Variants in GREB1L observed in about 807,000 individuals in gnomAD.
GREB1L encodes GREB1 like retinoic acid receptor coactivator.
GREB1L carries 17 observed loss-of-function variants against 200.8 expected under a neutral mutation model. That is an observed-to-expected ratio of 0.08 (90% CI 0.06 to 0.13). The LOEUF (loss-of-function observed/expected upper bound fraction) is 0.13. Ranked by LOEUF, GREB1L falls within the 10% of genes least tolerant of loss-of-function variation. The pLI, the probability that GREB1L is intolerant of heterozygous loss-of-function variation, is 1.00. For synonymous variants in GREB1L, 789 were observed against 893.0 expected (o/e 0.88, Z 2.08); for missense variants, 1,657 against 2,367.7 (o/e 0.70, Z 6.23).
chr18:21,481,193 A>G (rs748317521), intron 17 of GREB1L, among the ~76,000 whole-genome samples: 21 of 152,142 alleles, frequency 1.4e-4, no homozygotes, highest in Non-Finnish European at 2.5e-4. Flanking sequence ...AAAAGAGAGA[A>G]CAGGGGATGG....
chr18:21,287,511 T>C (rs1254708951), intron 1 of GREB1L, among the ~76,000 whole-genome samples: 1 of 152,216 alleles, frequency 6.6e-6, no homozygotes, highest in African/African-American at 2.4e-5. Context: ...TTTTCTTACA[T>C]GTTACTAAAA....
rs191327625 is a variant in GREB1L, at chr18:21,508,697, C to A, written c.4735+106C>A. The A allele has an allele frequency of 1.0e-4, 91 of 892,204 alleles. No individual in the cohort carries two copies. The African/African-American group carries it at 1.4e-3, about 14-fold the overall frequency. 55.3% of individuals were successfully genotyped at this position (892,204 alleles called of 1,614,324 possible). ...CCCCTGCCTCTAGAAATTGTCCTGC[C>A]CTCCTCACCACTCTTCGGAAAAAAA... On this transcript the variant is annotated intron_variant, in intron 27 of 32. Transcript: ENST00000424526.
At chr18:21,417,262 C>T (rs2031728186) in intron 7 of GREB1L, among the ~76,000 whole-genome samples, 1 of 152,068 alleles carries the variant, frequency 6.6e-6, no homozygotes, top group Non-Finnish European at 1.5e-5. Context: ...TGGCTCACGC[C>T]TGTAATCCTA....
At chr18:21,421,913 T>A (rs1330074781) in intron 7 of GREB1L, among the ~76,000 whole-genome samples, 7 of 152,146 alleles carry the variant, frequency 4.6e-5, no homozygotes. Context: ...TATTTTGGTA[T>A]TTTTTTCCAT....
At chr18:21,521,324 T>TCG (rs1568083597) in intron 32 of GREB1L, among the ~76,000 whole-genome samples, 1 of 150,606 alleles carries the variant, frequency 6.6e-6, no homozygotes, top group Admixed American at 6.6e-5. Flanking sequence ...TGAGCCAAGA[T>TCG]CACGCCATTG....
At chr18:21,521,547 T>C (rs970676961) in intron 32 of GREB1L, among the ~76,000 whole-genome samples, 69 of 151,556 alleles carry the variant, frequency 4.6e-4, no homozygotes, top group African/African-American at 1.6e-3. Context: ...CACTTATTTA[T>C]TTATTTATTT....
rs149534471 is a variant in GREB1L, at chr18:21,454,371, G to C, written c.1990G>C (p.Asp664His). 2 of 1,548,838 alleles carry C rather than the reference G, an allele frequency of 1.3e-6. No individual in the cohort carries two copies. Among genetic ancestry groups the C allele is most frequent in the Admixed American group, 3.9e-5 (2 of 50,840 alleles). The part of the protein sequence containing the change: ...AMIPTQNLDL[D>H]NETFHIYQPQ... ...GACTTCTCTTTAAATTTTAGATTTA[G>C]ATAATGAAACCTTCCACATTTATCA... The change falls in exon 15 of 33, where the codon GAT becomes CAT. Residue 664 changes from aspartate to histidine, a missense_variant. By Grantham distance (81) the Asp-to-His change is moderately conservative. Transcript: ENST00000424526.
chr18:21,423,567 T>C (rs2032328505), intron 7 of GREB1L, among the ~76,000 whole-genome samples: 2 of 152,120 alleles, frequency 1.3e-5, no homozygotes, highest in African/African-American at 4.8e-5. Flanking sequence ...TTCTGAAGAA[T>C]GGGAGGCTCA....
At chr18:21,521,198 A>G (rs963963233) in intron 32 of GREB1L, among the ~76,000 whole-genome samples, 1 of 151,664 alleles carries the variant, frequency 6.6e-6, no homozygotes, top group African/African-American at 2.4e-5. Context: ...CTCCGTCTCA[A>G]AAAAAAAGTA....
rs2036100369 is a variant in GREB1L, at chr18:21,485,667, C to T, written c.2604C>T (p.Tyr868=). Reference sequence around the variant, plus strand: ...AGCTGTACTTTGGCTTGAGTGAGTACAGCAAGTCTCTGCAGTGGGGGATCA... The same window carrying T: ...AGCTGTACTTTGGCTTGAGTGAGTATAGCAAGTCTCTGCAGTGGGGGATCA... The part of the protein sequence containing the change: ...EEKLYFGLSE[Y]SKSLQWGITS... The change falls in exon 18 of 33, where the codon TAC becomes TAT. Residue 868 remains tyrosine (Y), a synonymous_variant. Transcript: ENST00000424526. 3.2e-6 allele frequency: 5 copies of T among 1,551,540 alleles called. No homozygotes were observed. The highest frequency in any genetic ancestry group is 4.4e-6 in the Non-Finnish European group (5 of 1,146,890).
At chr18:21,252,332 T>C (rs1316478544) in intron 1 of GREB1L, among the ~76,000 whole-genome samples, 2 of 151,914 alleles carry the variant, frequency 1.3e-5, no homozygotes, top group Non-Finnish European at 2.9e-5. Flanking sequence ...CTGAGGTGGA[T>C]GGATCACCTG....
At chr18:21,360,521 C>T (rs1217116204) in intron 1 of GREB1L, among the ~76,000 whole-genome samples, 1 of 152,214 alleles carries the variant, frequency 6.6e-6, no homozygotes, top group East Asian at 1.9e-4. Flanking sequence ...CCACTGCACC[C>T]GGTGACTGAT....
chr18:21,354,366 T>C (rs1490440226), intron 1 of GREB1L, among the ~76,000 whole-genome samples: 1 of 152,100 alleles, frequency 6.6e-6, no homozygotes, highest in Non-Finnish European at 1.5e-5. Context: ...GGTGGGAGGA[T>C]AGCGTGAGCC....
chr18:21,480,776 T>C (rs2145763308), intron 17 of GREB1L, among the ~76,000 whole-genome samples: 1 of 152,220 alleles, frequency 6.6e-6, no homozygotes, highest in Non-Finnish European at 1.5e-5. Flanking sequence ...TCCCAGCACT[T>C]TGGAATGCCA....
chr18:21,279,046 C>T (rs1422807339), intron 1 of GREB1L, among the ~76,000 whole-genome samples: 1 of 151,964 alleles, frequency 6.6e-6, no homozygotes, highest in Non-Finnish European at 1.5e-5. Flanking sequence ...GTAAAAAAAT[C>T]ATTAAGACAT....
intron 23 of GREB1L, 91 bp downstream of exon 23, chr18:21,500,733 T>C (rs558257904): frequency 1.1e-6 from 1 of 873,606 alleles, no homozygotes; most frequent in Non-Finnish European, 1.8e-6. Context: ...CTTCTGGGAT[T>C]TCTACAGTAC....
At chr18:21,467,914 A>C (rs1165972529) in intron 15 of GREB1L, among the ~76,000 whole-genome samples, 2 of 151,826 alleles carry the variant, frequency 1.3e-5, no homozygotes, top group African/African-American at 4.8e-5. Flanking sequence ...AGTCCCAGCT[A>C]CTCAGGAGGC....
At chr18:21,352,090 C>CCTGCCT (rs2016450075) in intron 1 of GREB1L, among the ~76,000 whole-genome samples, 1 of 151,944 alleles carries the variant, frequency 6.6e-6, no homozygotes, top group African/African-American at 2.4e-5. Context: ...TCGTGATCCA[C>CCTGCCT]CTGCCTCTGC....
intron 18 of GREB1L, among the ~76,000 whole-genome samples, chr18:21,487,582 C>G (rs2036173145): frequency 6.6e-6 from 1 of 152,186 alleles, no homozygotes; most frequent in African/African-American, 2.4e-5. Flanking sequence ...TAAATCCTTG[C>G]AATGTGTGAA....
Sources: allele counts gnomAD v4.1 joint callset (sites outside exome capture counted in the v4.1 genomes callset), GRCh38; gene constraint gnomAD v4.1.1; transcripts MANE v1.5; gene names NCBI Gene and HGNC (gene_info 2026-07-23, HGNC 2026-07-21).